The following ANKRD1 variants were observed in gnomAD, a reference collection of about 807,000 sequenced individuals.
ANKRD1 encodes ankyrin repeat domain-containing protein 1.
A neutral mutation model predicts 40.1 loss-of-function variants in ANKRD1; 32 were observed. That is an observed-to-expected ratio of 0.80 (90% CI 0.60 to 1.07). The LOEUF is 1.07. ANKRD1 is among the 50% of genes least tolerant of loss of function. The pLI is 0.00. For missense variants in ANKRD1, 359 were observed against 386.0 expected (o/e 0.93, Z 0.59); for synonymous variants, 149 against 141.2 (o/e 1.06, Z -0.39).
Position 90,914,731 on chromosome 10 carries a change from CCA to C in ANKRD1, c.849+810_849+811del, listed in dbSNP as rs199980893. On this transcript the variant is annotated intron_variant, in intron 8 of 8. Transcript: ENST00000371697. ...TGACTGAGTTTCCCTCCCCCCCCCC[CCA>C]CTCTTTTTTGTAAAGTGATTCTTCA... Among the ~76,000 whole-genome samples, 888 of 94,800 alleles carry C rather than the reference CCA, an allele frequency of 9.4e-3. 10 individuals are homozygous for C. Among genetic ancestry groups the C allele is most frequent in the African/African-American group, 0.034 (594 of 17,586 alleles). 62.2% of individuals were successfully genotyped at this position (94,800 alleles called of 152,430 possible).
At chr10:90,916,139 GTGAA>G (rs1216893152) in intron 6 of ANKRD1, 28 bp downstream of exon 6, 2 of 1,481,840 alleles carry the variant, frequency 1.3e-6, no homozygotes, top group Non-Finnish European at 1.9e-6. Context: ...GGGGGAGGGG[GTGAA>G]TGAAGGGAGA....
intron 8 of ANKRD1, among the ~76,000 whole-genome samples, chr10:90,914,638 AAAGAT>A: frequency 6.6e-6 from 1 of 152,198 alleles, no homozygotes; most frequent in South Asian, 2.1e-4. Context: ...ATTTGTTTTA[AAAGAT>A]AAGATATTCC....
intron 4 of ANKRD1, 54 bp downstream of exon 4, chr10:90,918,811 T>C: frequency 7.2e-7 from 1 of 1,383,134 alleles, no homozygotes; most frequent in Non-Finnish European, 1.0e-6. Flanking sequence ...GAGTAAAGCA[T>C]AAGAAACATA....
intron 8 of ANKRD1, among the ~76,000 whole-genome samples, chr10:90,913,773 C>G (rs1847341500): frequency 6.6e-6 from 1 of 152,028 alleles, no homozygotes; most frequent in Non-Finnish European, 1.5e-5. Flanking sequence ...TTTGTTTTGA[C>G]CCAAACAGAA....
Position 90,912,887 on chromosome 10 carries a change from G to A in ANKRD1, c.939C>T (p.Thr313=), listed in dbSNP as rs939747588. 5 of 1,613,902 alleles carry A rather than the reference G, an allele frequency of 3.1e-6. No homozygotes were observed. Among genetic ancestry groups the A allele is most frequent in the Non-Finnish European group, 4.2e-6 (5 of 1,179,906 alleles). The change falls in exon 9 of 9, where the codon ACC becomes ACT. Residue 313 remains threonine, a synonymous_variant. Coordinates refer to ENST00000371697, the MANE Select transcript of ANKRD1 (RefSeq NM_014391.3). ...TGCCTCAGAATGTAGCTATGCGAGA[G>A]GTCTTGTAGGAGTTCTCTCTGAGGC... ...FDSLRENSYK[T]SRIATF is the part of the protein sequence containing the mutation.
At chr10:90,917,645 A>G (rs1359259675) in intron 5 of ANKRD1, 87 bp downstream of exon 5, 8 of 1,146,458 alleles carry the variant, frequency 7.0e-6, no homozygotes, top group Admixed American at 5.4e-5. Flanking sequence ...TTTCAATCCA[A>G]TCAGCTCGGT....
chr10:90,920,211 C>G lies in ANKRD1; in HGVS notation c.165G>C (p.Leu55=), dbSNP rs375414155. The G allele has an allele frequency of 1.3e-5, 21 of 1,613,952 alleles. No individual in the cohort carries two copies. The African/African-American group carries it at 2.5e-4, about 19-fold the overall frequency. The part of the protein sequence containing the change: ...LKTLLAHPVT[L]GEQQWKSEKQ... Reference sequence around the variant, plus strand: ...TCTCGCTTTTCCACTGTTGCTCCCCCAGGGTCACAGGGTGGGCTAGAAGTG... The same window carrying G: ...TCTCGCTTTTCCACTGTTGCTCCCCGAGGGTCACAGGGTGGGCTAGAAGTG... The change falls in exon 2 of 9, where the codon CTG becomes CTC. Residue 55 remains leucine (L), a synonymous_variant. Transcript: ENST00000371697.
chr10:90,915,808 C>T lies in ANKRD1; in HGVS notation c.724G>A (p.Glu242Lys). 3 of 1,613,796 alleles carry T rather than the reference C, an allele frequency of 1.9e-6. No individual in the cohort carries two copies. Among genetic ancestry groups the T allele is most frequent in the Non-Finnish European group, 2.5e-6 (3 of 1,179,972 alleles). The change falls in exon 7 of 9, where the codon GAG becomes AAG. Residue 242 changes from glutamate to lysine, a missense_variant. Transcript: ENST00000371697. The stretch of plus-strand genomic sequence containing the variant: ...CTGTCTTTGGCGTTGAGGTCTGCCT[C>T]ACAGGCGATAAGATGCTCCGCGCAC... ...YECAEHLIACEADLNAKDREG... is the reference protein window; with the variant it reads ...YECAEHLIACKADLNAKDREG...
chr10:90,920,963 C>T (rs1847431125), intron 1 of ANKRD1, 38 bp downstream of exon 1: 1 of 1,597,712 alleles, frequency 6.3e-7, no homozygotes, highest in Non-Finnish European at 8.6e-7. Flanking sequence ...CCAAGATGAA[C>T]CAGTTTTCAT....
At chr10:90,915,940 C>G in intron 6 of ANKRD1, 60 bp from the exon 7 acceptor site, 2 of 1,550,724 alleles carry the variant, frequency 1.3e-6, no homozygotes, top group South Asian at 2.3e-5. Flanking sequence ...TGTCCCAGAC[C>G]CCAAGACATG....
chr10:90,917,638 CA>C, intron 5 of ANKRD1, 93 bp downstream of exon 5: 1 of 1,078,794 alleles, frequency 9.3e-7, no homozygotes. Context: ...GATCAATTTT[CA>C]ATCCAATCAG....
intron 8 of ANKRD1, among the ~76,000 whole-genome samples, chr10:90,915,092 T>C (rs1009759182): frequency 6.6e-6 from 1 of 152,196 alleles, no homozygotes; most frequent in African/African-American, 2.4e-5. Context: ...ACTTTCTGAA[T>C]TACTCAGATT....
chr10:90,918,238 C>T (rs1847393847), intron 4 of ANKRD1, among the ~76,000 whole-genome samples: 1 of 152,134 alleles, frequency 6.6e-6, no homozygotes, highest in South Asian at 2.1e-4. Flanking sequence ...GAATGGGAGA[C>T]ATGTTTTTAG....
rs550055519 is a variant in ANKRD1, at chr10:90,912,667, G to A, written c.*199C>T. On this transcript the variant is annotated 3_prime_UTR_variant, in exon 9 of 9. Transcript: ENST00000371697. ...AGCGTGGCAGTAAATAAATAAACAG[G>A]AATACATAAAAATAAATAAGAGTTT... 3.1e-5 allele frequency: 17 copies of A among 550,282 alleles called. No individual in the cohort carries two copies. In the South Asian group the frequency reaches 3.4e-4, roughly 11 times the overall value. 34.1% of individuals were successfully genotyped at this position (550,282 alleles called of 1,614,324 possible). A position where few individuals can be genotyped will look rare whatever the true frequency, so the allele number is the denominator to read the frequency against.
intron 6 of ANKRD1, 63 bp downstream of exon 6, chr10:90,916,108 G>A: frequency 1.0e-6 from 1 of 971,026 alleles, no homozygotes; most frequent in Non-Finnish European, 1.5e-6. Flanking sequence ...GGGAGAAGTG[G>A]AGAAGGATGG....
rs1847398650 is a variant in ANKRD1 at position 90,918,800 on chromosome 10, G to A, written c.453+65C>T. The A allele has an allele frequency of 1.9e-5, 25 of 1,294,548 alleles. 1 individual carries two copies. In the South Asian group the frequency reaches 2.7e-4, roughly 14 times the overall value. 80.2% of individuals were successfully genotyped at this position (1,294,548 alleles called of 1,614,324 possible). A position where few individuals can be genotyped will look rare whatever the true frequency, so the allele number is the denominator to read the frequency against. On this transcript the variant is annotated intron_variant, in intron 4 of 8. Transcript: ENST00000371697. Reference sequence around the variant, plus strand: ...ACTTTGGCACTATATTAGCAAGACTGGAGTAAAGCATAAGAAACATAAAAT... The same window carrying A: ...ACTTTGGCACTATATTAGCAAGACTAGAGTAAAGCATAAGAAACATAAAAT...
chr10:90,917,598 G>T, intron 5 of ANKRD1, 134 bp downstream of exon 5: 2 of 726,768 alleles, frequency 2.8e-6, no homozygotes, highest in Non-Finnish European at 4.7e-6. Flanking sequence ...TCCTTTATTT[G>T]GAGAAATGAG....
In ANKRD1 at chr10:90,915,829, C is replaced by T. The variant is rs768116191; in HGVS notation, c.703G>A (p.Ala235Thr). The T allele has an allele frequency of 2.5e-6, 4 of 1,613,684 alleles. No individual in the cohort carries two copies. Among genetic ancestry groups the T allele is most frequent in the Middle Eastern group, 1.7e-4 (1 of 6,022 alleles). ...GCCTCACAGGCGATAAGATGCTCCG[C>T]GCACTCATAGTGGCCAGTCCTCACC... is the stretch of plus-strand genomic sequence containing the variant. Reference protein sequence around the residue: ...VAVRTGHYECAEHLIACEADL... With the variant: ...VAVRTGHYECTEHLIACEADL... Residue 235 changes from alanine (A) to threonine (T), a missense_variant, in exon 7 of 9, where the codon GCG (alanine) becomes ACG (threonine). Physicochemically the swap from Ala to Thr is moderately conservative, Grantham distance 58 (BLOSUM62 0). Coordinates refer to ENST00000371697, the MANE Select transcript of ANKRD1 (RefSeq NM_014391.3).
intron 8 of ANKRD1, among the ~76,000 whole-genome samples, chr10:90,914,341 C>T (rs1403730847): frequency 6.6e-6 from 1 of 152,096 alleles, no homozygotes; most frequent in Non-Finnish European, 1.5e-5. Context: ...ATTCCTTGCA[C>T]TTCTCTCCAT....
Sources: allele counts gnomAD v4.1 joint callset (sites outside exome capture counted in the v4.1 genomes callset), GRCh38; gene constraint gnomAD v4.1.1; transcripts MANE v1.5; gene names NCBI Gene and HGNC (gene_info 2026-07-23, HGNC 2026-07-21).